Variants in CSMD1 observed in about 807,000 individuals in gnomAD.
CSMD1 encodes the protein CUB and Sushi multiple domains 1.
Under a neutral mutation model 417.5 loss-of-function variants are expected in CSMD1, and 213 were observed. The observed-to-expected ratio is 0.51, with a 90% CI of 0.46 to 0.57. The LOEUF (loss-of-function observed/expected upper bound fraction) is 0.57, where lower values mean the gene tolerates loss of function less well. Among genes scored for constraint, CSMD1 ranks in the 20% least tolerant of loss-of-function variants. CSMD1 has a pLI of 0.00. For missense variants in CSMD1, 6,923 were observed against 4,529.7 expected, an observed-to-expected ratio of 1.53 and a Z score of -15.17; for synonymous variants, 2,862 against 1,736.8, an observed-to-expected ratio of 1.65 and a Z score of -16.11.
At chr8:4,052,636 T>C (rs1264433687) in intron 3 of CSMD1, among the ~76,000 whole-genome samples, 1 of 152,122 alleles carries the variant, frequency 6.6e-6, no homozygotes, top group African/African-American at 2.4e-5. Context: ...AACCTAGGCA[T>C]CTCCTTTGGA....
chr8:3,759,442 T>C (rs542126437), intron 5 of CSMD1, among the ~76,000 whole-genome samples: 2 of 152,156 alleles, frequency 1.3e-5, no homozygotes, highest in East Asian at 3.9e-4. Context: ...TGGAGTGAGG[T>C]TTCCTGGAAG....
chr8:4,337,360 A>G (rs1053324074), intron 3 of CSMD1, among the ~76,000 whole-genome samples: 7 of 152,050 alleles, frequency 4.6e-5, no homozygotes, highest in African/African-American at 1.7e-4. Flanking sequence ...GCAAACTTCC[A>G]CCTAAGTCAT....
intron 18 of CSMD1, among the ~76,000 whole-genome samples, chr8:3,379,169 G>T (rs190031181): frequency 6.6e-6 from 1 of 152,182 alleles, no homozygotes; most frequent in East Asian, 1.9e-4. Flanking sequence ...AGAATAAAAT[G>T]CTGAGGAATA....
rs1373736111 is a variant in CSMD1, at chr8:3,725,461, A to G, written c.932-16970T>C. On this transcript the variant is annotated intron_variant, in intron 6 of 69. Coordinates refer to ENST00000635120, the MANE Select transcript of CSMD1 (RefSeq NM_033225.6). Reference sequence around the variant, plus strand: ...CAAAGCTGAAGGCGACTGTGGGGCCAAAGGAGAAATACCGGTGCTGATTTT... The same window carrying G: ...CAAAGCTGAAGGCGACTGTGGGGCCGAAGGAGAAATACCGGTGCTGATTTT... 2.0e-5 allele frequency among the ~76,000 whole-genome samples: 3 copies of G among 152,202 alleles called. No homozygotes were observed. In the South Asian group the frequency reaches 6.2e-4, roughly 32 times the overall value.
At chr8:3,109,155 C>T (rs1435088619) in intron 43 of CSMD1, among the ~76,000 whole-genome samples, 2 of 152,216 alleles carry the variant, frequency 1.3e-5, no homozygotes, top group Non-Finnish European at 2.9e-5. Flanking sequence ...GTCCCAGCTA[C>T]TCGGCAGGCT....
intron 5 of CSMD1, among the ~76,000 whole-genome samples, chr8:3,880,731 T>C (rs1231853164): frequency 6.6e-6 from 1 of 152,176 alleles, no homozygotes; most frequent in Non-Finnish European, 1.5e-5. Flanking sequence ...GCAAAATATA[T>C]TAAAATTATA....
intron 3 of CSMD1, among the ~76,000 whole-genome samples, chr8:4,152,696 G>GAA (rs200288278): frequency 7.0e-6 from 1 of 143,402 alleles, no homozygotes; most frequent in African/African-American, 2.6e-5. Context: ...TCTCAAAAAA[G>GAA]AAAAAAAAAA....
intron 3 of CSMD1, among the ~76,000 whole-genome samples, chr8:4,398,674 C>T (rs961967160): frequency 1.3e-5 from 2 of 152,148 alleles, no homozygotes; most frequent in Admixed American, 6.5e-5. Context: ...GGATTACAGG[C>T]ATGAGCCATC....
At chr8:4,822,955 C>G (rs1397822173) in intron 1 of CSMD1, among the ~76,000 whole-genome samples, 3 of 152,146 alleles carry the variant, frequency 2.0e-5, no homozygotes, top group African/African-American at 7.2e-5. Context: ...GACTTTGCCT[C>G]TGATGATCCC....
intron 3 of CSMD1, among the ~76,000 whole-genome samples, chr8:4,306,078 A>T (rs1366586383): frequency 6.6e-6 from 1 of 152,182 alleles, no homozygotes; most frequent in Admixed American, 6.5e-5. Context: ...TATGATTGTG[A>T]GAAATGTTAT....
chr8:4,045,588 A>C (rs149055926), intron 3 of CSMD1, among the ~76,000 whole-genome samples: 8 of 152,334 alleles, frequency 5.3e-5, no homozygotes, highest in South Asian at 2.1e-4. Context: ...AGAATGAAAG[A>C]AACTCAAGAA....
At chr8:4,046,345 A>G (rs1205768166) in intron 3 of CSMD1, among the ~76,000 whole-genome samples, 2 of 152,188 alleles carry the variant, frequency 1.3e-5, no homozygotes, top group African/African-American at 4.8e-5. Flanking sequence ...AATAGACTCA[A>G]TGTTATCATT....
intron 4 of CSMD1, among the ~76,000 whole-genome samples, chr8:4,025,397 A>T (rs150765612): frequency 2.6e-5 from 4 of 152,222 alleles, no homozygotes; most frequent in Non-Finnish European, 5.9e-5. Flanking sequence ...AGTAATTTAT[A>T]ATCTATCCTA....
intron 8 of CSMD1, among the ~76,000 whole-genome samples, chr8:3,586,940 C>T (rs1230132069): frequency 6.6e-6 from 1 of 152,170 alleles, no homozygotes; most frequent in Non-Finnish European, 1.5e-5. Flanking sequence ...GCTGGGACTA[C>T]AGATGTGCAC....
intron 3 of CSMD1, among the ~76,000 whole-genome samples, chr8:4,282,063 A>G (rs1397315503): frequency 1.3e-5 from 2 of 152,216 alleles, no homozygotes; most frequent in Non-Finnish European, 2.9e-5. Flanking sequence ...GTTGTAGCAC[A>G]TTGTAGCATC....
At chr8:4,390,286 A>G (rs140562223) in intron 3 of CSMD1, among the ~76,000 whole-genome samples, 59 of 152,266 alleles carry the variant, frequency 3.9e-4, no homozygotes, top group African/African-American at 1.4e-3. Flanking sequence ...TGTCACGAGG[A>G]GCAATCAAGT....
intron 3 of CSMD1, among the ~76,000 whole-genome samples, chr8:4,165,335 C>T (rs528533358): frequency 2.6e-5 from 4 of 152,350 alleles, no homozygotes; most frequent in East Asian, 1.9e-4. Flanking sequence ...AGCGCAAACA[C>T]GTGGTGTCCC....
intron 3 of CSMD1, among the ~76,000 whole-genome samples, chr8:4,313,513 A>AT (rs1798747470): frequency 6.6e-6 from 1 of 151,708 alleles, no homozygotes; most frequent in South Asian, 2.1e-4. Flanking sequence ...AAATGAAAAA[A>AT]AAAAAAAAAA....
intron 3 of CSMD1, among the ~76,000 whole-genome samples, chr8:4,103,700 A>G (rs1178247856): frequency 6.6e-6 from 1 of 152,192 alleles, no homozygotes; most frequent in African/African-American, 2.4e-5. Context: ...GTGAATGCTT[A>G]AAACCCATGA....
Sources: allele counts gnomAD v4.1 joint callset (sites outside exome capture counted in the v4.1 genomes callset), GRCh38; gene constraint gnomAD v4.1.1; transcripts MANE v1.5; gene names NCBI Gene and HGNC (gene_info 2026-07-23, HGNC 2026-07-21).